Variants in PLK4 observed in about 807,000 individuals in gnomAD.
PLK4 encodes polo like kinase 4, also known as serine/threonine-protein kinase PLK4.
PLK4 carries 51 observed loss-of-function variants against 103.0 expected under a neutral mutation model. That is an observed-to-expected ratio of 0.50 (90% CI 0.40 to 0.63). The LOEUF (loss-of-function observed/expected upper bound fraction) is 0.63, where lower values mean the gene tolerates loss of function less well. Ranked by LOEUF, PLK4 falls within the 20% of genes least tolerant of loss-of-function variation. The pLI is 0.00. For missense variants in PLK4, 1,054 were observed against 1,151.0 expected, an observed-to-expected ratio of 0.92 and a Z score of 1.22; for synonymous variants, 389 against 376.8, an observed-to-expected ratio of 1.03 and a Z score of -0.38.
At chr4:127,894,712 C>T (rs1308755686) in intron 13 of PLK4, among the ~76,000 whole-genome samples, 1 of 152,014 alleles carries the variant, frequency 6.6e-6, no homozygotes, top group African/African-American at 2.4e-5. Flanking sequence ...ACAAAAAGAA[C>T]ATGCCATGGG....
rs148155524 is a variant in PLK4 at position 127,894,800 on chromosome 4, C to G, written c.2563-153C>G. Among the ~76,000 whole-genome samples the G allele has an allele frequency of 1.3e-3, 192 of 152,130 alleles. 1 individual carries two copies. Among genetic ancestry groups the G allele is most frequent in the African/African-American group, 4.5e-3 (186 of 41,520 alleles). On this transcript the variant is annotated intron_variant, in intron 13 of 15. Coordinates refer to ENST00000270861, the MANE Select transcript of PLK4 (RefSeq NM_014264.5). The stretch of plus-strand genomic sequence containing the variant: ...GTGGGGGGTTCTTTTCTGTATTTTT[C>G]TAATTTCCAATAATGTGGTTATATT...
chr4:127,896,968 T>C, intron 15 of PLK4, 61 bp downstream of exon 15: 3 of 818,826 alleles, frequency 3.7e-6, no homozygotes, highest in Admixed American at 2.0e-5. Context: ...TTTCTCTATA[T>C]GTTGAAATGG....
At chr4:127,890,792 T>C (rs961211552) in intron 7 of PLK4, among the ~76,000 whole-genome samples, 16 of 152,104 alleles carry the variant, frequency 1.1e-4, no homozygotes, top group Admixed American at 8.5e-4. Flanking sequence ...CATTTCATCC[T>C]TGCCTTTGTT....
At chr4:127,890,497 T>C (rs1355200512) in intron 7 of PLK4, among the ~76,000 whole-genome samples, 1 of 152,204 alleles carries the variant, frequency 6.6e-6, no homozygotes, top group East Asian at 1.9e-4. Flanking sequence ...AAAAACATTT[T>C]AAAATAATAC....
Position 127,893,718 on chromosome 4 carries a change from G to A in PLK4, c.2415-16G>A. On this transcript the variant is annotated splice_polypyrimidine_tract_variant and intron_variant, in intron 12 of 15. Coordinates refer to ENST00000270861, the MANE Select transcript of PLK4 (RefSeq NM_014264.5). The stretch of plus-strand genomic sequence containing the variant: ...TGAAAGCTTCAAGGGAATATATTTG[G>A]ACTTTTCCCCTTCAGAAAACCTGGT... 2 of 1,602,104 alleles carry A rather than the reference G, an allele frequency of 1.2e-6. No individual in the cohort carries two copies. The highest frequency in any genetic ancestry group is 1.7e-6 in the Non-Finnish European group (2 of 1,172,434).
chr4:127,888,710 CAGA>C (rs1735238408), intron 6 of PLK4, among the ~76,000 whole-genome samples: 1 of 151,980 alleles, frequency 6.6e-6, no homozygotes, highest in South Asian at 2.1e-4. Flanking sequence ...GACAGATTCA[CAGA>C]AGGTGAATTG....
rs70966059 is a variant in PLK4, at chr4:127,895,452, CTTTTTTTTTTTT to C, written c.2703+376_2703+387del. 3.4e-4 allele frequency among the ~76,000 whole-genome samples: 22 copies of C among 65,198 alleles called. No homozygotes were observed. The East Asian group carries it at 4.2e-3, about 13-fold the overall frequency. The allele number at this position is 65,198 out of a possible 152,430, so 42.8% of individuals were successfully genotyped here. ...TAATCAATATTAGTAGAGTAACTTT[CTTTTTTTTTTTT>C]TTTTTTTTTTTTTTTTGAGACAAAG... On this transcript the variant is annotated intron_variant, in intron 14 of 15. Coordinates refer to ENST00000270861, the MANE Select transcript of PLK4 (RefSeq NM_014264.5).
chr4:127,890,663 AAAG>A (rs1451334846), intron 7 of PLK4, among the ~76,000 whole-genome samples: 1 of 152,180 alleles, frequency 6.6e-6, no homozygotes, highest in Non-Finnish European at 1.5e-5. Context: ...TTCTGGAACT[AAAG>A]AAAAGGCATA....
At chr4:127,890,948 C>G in intron 7 of PLK4, 144 bp from the exon 8 acceptor site, 2 of 497,346 alleles carry the variant, frequency 4.0e-6, no homozygotes, top group Middle Eastern at 9.8e-4. Flanking sequence ...TACCTCTGAT[C>G]TGGACTGTTG....
In PLK4 at chr4:127,881,019, C is replaced by T; in HGVS notation, c.-116C>T. ...GTTTCAGCGTCGTCGCCTGGAGCGG[C>T]GGTTTAGAGAGCCGAGCCTGATGGG... On this transcript the variant is annotated 5_prime_UTR_variant, in exon 1 of 16. Transcript: ENST00000270861. 2 of 1,171,388 alleles carry T rather than the reference C, an allele frequency of 1.7e-6. No individual in the cohort carries two copies. Among genetic ancestry groups the T allele is most frequent in the Non-Finnish European group, 2.5e-6 (2 of 798,666 alleles). 72.6% of individuals were successfully genotyped at this position (1,171,388 alleles called of 1,614,324 possible). A position where few individuals can be genotyped will look rare whatever the true frequency, so the allele number is the denominator to read the frequency against.
rs765279901 is a variant in PLK4 at position 127,885,876 on chromosome 4, A to G, written c.506A>G (p.Tyr169Cys). 6.2e-7 allele frequency: 1 copy of G among 1,614,000 alleles called. No homozygotes were observed. Among genetic ancestry groups the G allele is most frequent in the African/African-American group, 1.3e-5 (1 of 74,914 alleles). ...CTGAAAATGCCACATGAAAAGCACT[A>G]TACATTATGTGGAACTCCTAACTAC... ...TQLKMPHEKHYTLCGTPNYIS... is the reference protein window; with the variant it reads ...TQLKMPHEKHCTLCGTPNYIS... Residue 169 changes from tyrosine to cysteine, a missense_variant, in exon 5 of 16, where the codon TAT (tyrosine) becomes TGT (cysteine). This residue lies in a region of PLK4 where 199 missense variants were observed against 270.1 expected (regional missense o/e 0.74). Transcript: ENST00000270861.
rs866551932 is a variant in PLK4 at position 127,886,563 on chromosome 4, G to A, written c.1193G>A (p.Arg398Gln). 4.3e-6 allele frequency: 7 copies of A among 1,614,056 alleles called. No homozygotes were observed. Among genetic ancestry groups the A allele is most frequent in the East Asian group, 2.2e-5 (1 of 44,868 alleles). The stretch of plus-strand genomic sequence containing the variant: ...CAAGCAAAAACATATACAATGGAAC[G>A]ATGTCACTCAGCAGAAATGCTTTCA... ...QSQAKTYTME[R>Q]CHSAEMLSVS... is the part of the protein sequence containing the mutation. The change falls in exon 5 of 16, where the codon CGA (arginine) becomes CAA (glutamine). Residue 398 changes from arginine to glutamine, a missense_variant. By Grantham distance (43) the Arg-to-Gln change is conservative. This residue lies in a region of PLK4 where 680 missense variants were observed against 660.3 expected (regional missense o/e 1.03). Transcript: ENST00000270861.
chr4:127,893,595 T>A lies in PLK4; in HGVS notation c.2405T>A (p.Ile802Asn). The change falls in exon 12 of 16, where the codon ATC (isoleucine) becomes AAC (asparagine). Residue 802 changes from isoleucine (I) to asparagine (N), a missense_variant. By Grantham distance (149) the Ile-to-Asn change is moderately radical. Around this residue, in one of 4 missense-constraint regions of PLK4, gnomAD observed 167 missense variants for 200.7 expected, o/e 0.83. Coordinates refer to ENST00000270861, the MANE Select transcript of PLK4 (RefSeq NM_014264.5). ...KTRSAPFFPI[I>N]IGRKPGSTSS... ...AGGAGTGCTCCCTTTTTCCCAATAATCATAGGAAGGTAAATGTCTGAAAAT... is the reference window on the plus strand; with the variant it reads ...AGGAGTGCTCCCTTTTTCCCAATAAACATAGGAAGGTAAATGTCTGAAAAT... The A allele has an allele frequency of 6.2e-7, 1 of 1,610,042 alleles. No individual in the cohort carries two copies. Among genetic ancestry groups the A allele is most frequent in the East Asian group, 2.2e-5 (1 of 44,798 alleles).
chr4:127,887,369 A>T, intron 5 of PLK4, 27 bp from the exon 6 acceptor site: 4 of 1,312,786 alleles, frequency 3.0e-6, no homozygotes, highest in Non-Finnish European at 3.2e-6. Context: ...TTATTAGTTT[A>T]TGGGATTTTT....
intron 15 of PLK4, 60 bp downstream of exon 15, chr4:127,896,967 A>T: frequency 1.2e-6 from 1 of 815,178 alleles, no homozygotes; most frequent in Non-Finnish European, 2.1e-6. Flanking sequence ...CTTTCTCTAT[A>T]TGTTGAAATG....
chr4:127,890,573 G>A (rs1004671159), intron 7 of PLK4, among the ~76,000 whole-genome samples: 2 of 151,978 alleles, frequency 1.3e-5, no homozygotes, highest in African/African-American at 2.4e-5. Flanking sequence ...ATTATCCTTT[G>A]CTTCTATTTT....
In PLK4 at chr4:127,891,009, A is replaced by G. The variant is rs906687820; in HGVS notation, c.1831-83A>G. ...TCAATATTTGTTTCTGCCATGGTTA[A>G]GTACTCCTAAGTATTATGTATGTCA... On this transcript the variant is annotated intron_variant, in intron 7 of 15. Transcript: ENST00000270861. 27 of 691,822 alleles carry G rather than the reference A, an allele frequency of 3.9e-5. No individual in the cohort carries two copies. The African/African-American group carries it at 4.5e-4, about 12-fold the overall frequency. 42.9% of individuals were successfully genotyped at this position (691,822 alleles called of 1,614,324 possible).
In PLK4 at chr4:127,886,270, C is replaced by T. The variant is rs1441705964; in HGVS notation, c.900C>T (p.Thr300=). The T allele has an allele frequency of 1.9e-6, 3 of 1,613,774 alleles. No homozygotes were observed. The highest frequency in any genetic ancestry group is 1.3e-5 in the African/African-American group (1 of 75,030). The change falls in exon 5 of 16, where the codon ACC becomes ACT. Residue 300 remains threonine, a synonymous_variant. Coordinates refer to ENST00000270861, the MANE Select transcript of PLK4 (RefSeq NM_014264.5). The part of the protein sequence containing the change: ...ISTAITASSS[T]SISGSLFDKR... ...CTGCAATTACAGCTTCTTCCAGTAC[C>T]AGTATAAGTGGTAGTTTATTTGACA...
chr4:127,891,517 G>T lies in PLK4; in HGVS notation c.1936-62G>T, dbSNP rs528150757. ...ATTTAAACACTTTGTATACGTTTTA[G>T]CAAGATATAGTACTGGAACTTAATG... On this transcript the variant is annotated intron_variant, in intron 8 of 15. Coordinates refer to ENST00000270861, the MANE Select transcript of PLK4 (RefSeq NM_014264.5). 12 of 605,064 alleles carry T rather than the reference G, an allele frequency of 2.0e-5. No individual in the cohort carries two copies. The South Asian group carries it at 3.7e-4, about 19-fold the overall frequency. The allele number at this position is 605,064 out of a possible 1,614,324, so 37.5% of individuals were successfully genotyped here.
Sources: allele counts gnomAD v4.1 joint callset (sites outside exome capture counted in the v4.1 genomes callset), GRCh38; gene constraint gnomAD v4.1.1; regional missense constraint gnomAD v4.1.1; transcripts MANE v1.5; gene names NCBI Gene and HGNC (gene_info 2026-07-23, HGNC 2026-07-21).